Variants in PLCL1 observed in about 807,000 individuals in gnomAD.
The protein encoded by PLCL1 is phospholipase C like 1 (inactive), also known as inactive phospholipase C-like protein 1.
Under a neutral mutation model 84.4 loss-of-function variants are expected in PLCL1, and 41 were observed. The ratio of observed to expected loss-of-function variants is 0.49; its 90% confidence interval spans 0.38 to 0.63. The LOEUF is 0.63. Among genes scored for constraint, PLCL1 ranks in the 30% least tolerant of loss-of-function variants. The pLI, the probability that PLCL1 is intolerant of heterozygous loss-of-function variation, is 0.00. For synonymous variants in PLCL1, 490 were observed against 488.3 expected, an observed-to-expected ratio of 1.00 and a Z score of -0.05; for missense variants, 1,206 against 1,367.8, an observed-to-expected ratio of 0.88 and a Z score of 1.87.
At chr2:197,810,863 C>T (rs975169055) in intron 1 of PLCL1, among the ~76,000 whole-genome samples, 4 of 82,770 alleles carry the variant, frequency 4.8e-5, no homozygotes, top group Non-Finnish European at 9.2e-5. Flanking sequence ...GTGCTTAACA[C>T]TGTATATTTT....
At chr2:197,839,260 G>A (rs993153611) in intron 1 of PLCL1, among the ~76,000 whole-genome samples, 8 of 152,142 alleles carry the variant, frequency 5.3e-5, no homozygotes, top group Admixed American at 5.2e-4. Context: ...GAAATAGTCT[G>A]GAATCAGTTT....
At chr2:198,005,527 C>A (rs956015551) in intron 1 of PLCL1, among the ~76,000 whole-genome samples, 4 of 152,186 alleles carry the variant, frequency 2.6e-5, no homozygotes, top group African/African-American at 2.4e-5. Context: ...ACTGCCTACC[C>A]TATGTTAGAC....
chr2:197,836,772 G>A (rs1022149287), intron 1 of PLCL1, among the ~76,000 whole-genome samples: 1 of 152,194 alleles, frequency 6.6e-6, no homozygotes, highest in African/African-American at 2.4e-5. Context: ...TCAGGCTGGA[G>A]TGCAGTGACA....
At chr2:197,918,936 G>GTCTCTCTCTC (rs71395692) in intron 1 of PLCL1, among the ~76,000 whole-genome samples, 2 of 83,160 alleles carry the variant, frequency 2.4e-5, no homozygotes, top group African/African-American at 3.5e-5. Flanking sequence ...CGGAGACCCT[G>GTCTCTCTCTC]TCTCTCTCTC....
chr2:198,039,175 G>A lies in PLCL1; in HGVS notation c.241-44583G>A, dbSNP rs41471147. Among the ~76,000 whole-genome samples, 131 of 152,266 alleles carry A rather than the reference G, an allele frequency of 8.6e-4. 9 individuals are homozygous for A. The East Asian group carries it at 0.025, about 29-fold the overall frequency. On this transcript the variant is annotated intron_variant, in intron 1 of 5. Coordinates refer to ENST00000428675, the MANE Select transcript of PLCL1 (RefSeq NM_006226.4). ...GTATTGAACAGGGTTCATAGTCAAAGTGACATAGTTTCTCATTCTCAAGAA... is the reference window on the plus strand; with the variant it reads ...GTATTGAACAGGGTTCATAGTCAAAATGACATAGTTTCTCATTCTCAAGAA...
intron 1 of PLCL1, among the ~76,000 whole-genome samples, chr2:197,836,425 C>G (rs1469028016): frequency 9.1e-6 from 1 of 110,156 alleles, no homozygotes; most frequent in African/African-American, 3.6e-5. Context: ...CCAGCCTGGG[C>G]GACAGAGCGA....
chr2:198,109,909 A>C (rs1162115273), intron 5 of PLCL1, among the ~76,000 whole-genome samples: 1 of 151,650 alleles, frequency 6.6e-6, no homozygotes, highest in East Asian at 1.9e-4. Flanking sequence ...CTGGAGAAGT[A>C]TCAAGTAGAG....
intron 1 of PLCL1, among the ~76,000 whole-genome samples, chr2:197,911,383 A>G (rs1688481636): frequency 6.6e-6 from 1 of 152,040 alleles, no homozygotes; most frequent in Non-Finnish European, 1.5e-5. Flanking sequence ...AAGTTTAGCA[A>G]TTTAGAAAAG....
intron 1 of PLCL1, among the ~76,000 whole-genome samples, chr2:198,058,517 C>T (rs1692117923): frequency 6.6e-6 from 1 of 151,730 alleles, no homozygotes; most frequent in African/African-American, 2.4e-5. Flanking sequence ...TACCAGACTG[C>T]TTGGCTTCTG....
intron 3 of PLCL1, among the ~76,000 whole-genome samples, chr2:198,093,211 G>A (rs766421999): frequency 6.6e-6 from 1 of 152,146 alleles, no homozygotes; most frequent in African/African-American, 2.4e-5. Context: ...AACTGTAATG[G>A]CAGATACATG....
chr2:198,012,935 G>GATA (rs1429652798), intron 1 of PLCL1, among the ~76,000 whole-genome samples: 4 of 151,900 alleles, frequency 2.6e-5, no homozygotes, highest in Non-Finnish European at 1.5e-5. Context: ...ATTTTAAACT[G>GATA]ATAACAACTT....
In PLCL1 at chr2:198,085,386, T is replaced by C; in HGVS notation, c.1869T>C (p.Ile623=). 6.2e-7 allele frequency: 1 copy of C among 1,611,752 alleles called. No homozygotes were observed. The highest frequency in any genetic ancestry group is 1.7e-5 in the Admixed American group (1 of 59,926). The change falls in exon 2 of 6, where the codon ATT becomes ATC. Residue 623 remains isoleucine, a synonymous_variant. Transcript: ENST00000428675. The surrounding 1 kb of genome is among the most constrained non-coding windows in gnomAD (Gnocchi z 5.3). ...TTAGTGAAACAGAGGCCAGCCGCATTGCAAATGAGTACCCAGAGGATTTTG... is the reference window on the plus strand; with the variant it reads ...TTAGTGAAACAGAGGCCAGCCGCATCGCAAATGAGTACCCAGAGGATTTTG... ...CSFSETEASR[I]ANEYPEDFVN... is the part of the protein sequence containing the mutation.
chr2:198,071,601 A>G (rs775714951), intron 1 of PLCL1, among the ~76,000 whole-genome samples: 1 of 151,768 alleles, frequency 6.6e-6, no homozygotes, highest in Non-Finnish European at 1.5e-5. Context: ...TATATTCTCT[A>G]AACAGTTATA....
At chr2:198,003,755 A>G (rs1359564040) in intron 1 of PLCL1, among the ~76,000 whole-genome samples, 2 of 152,178 alleles carry the variant, frequency 1.3e-5, no homozygotes, top group Admixed American at 1.3e-4. Flanking sequence ...ATAACTTCTC[A>G]CTGTACATTC....
chr2:198,089,406 C>G (rs1692965217), intron 3 of PLCL1, among the ~76,000 whole-genome samples: 1 of 152,178 alleles, frequency 6.6e-6, no homozygotes. Context: ...GTAAACATGT[C>G]TCAGTGCTGC....
intron 1 of PLCL1, among the ~76,000 whole-genome samples, chr2:197,896,813 C>T (rs933402389): frequency 6.6e-6 from 1 of 152,026 alleles, no homozygotes; most frequent in African/African-American, 2.4e-5. Flanking sequence ...TGTTTTGTGT[C>T]CACAGAGTGA....
chr2:197,993,492 G>C (rs370524084), intron 1 of PLCL1, among the ~76,000 whole-genome samples: 35 of 152,234 alleles, frequency 2.3e-4, no homozygotes, highest in Admixed American at 2.2e-3. Context: ...AGGAGAGCTT[G>C]GTGAAGAGAT....
Position 198,020,971 on chromosome 2 carries a change from A to G in PLCL1, c.241-62787A>G, listed in dbSNP as rs143925920. On this transcript the variant is annotated intron_variant, in intron 1 of 5. Coordinates refer to ENST00000428675, the MANE Select transcript of PLCL1 (RefSeq NM_006226.4). ...TTCTTCTCAGCACCACATAGCACTT[A>G]TTTTAAAATGGACCACATAATTGGA... is the stretch of plus-strand genomic sequence containing the variant. Among the ~76,000 whole-genome samples the G allele has an allele frequency of 1.3e-3, 191 of 152,326 alleles. 1 individual carries two copies. The highest frequency in any genetic ancestry group is 4.0e-3 in the African/African-American group (167 of 41,566).
chr2:197,923,039 G>A (rs1272880678), intron 1 of PLCL1, among the ~76,000 whole-genome samples: 4 of 112,952 alleles, frequency 3.5e-5, no homozygotes, highest in African/African-American at 1.0e-4. Context: ...GGGCAGAGGC[G>A]CCCCTCACCT....
Sources: allele counts gnomAD v4.1 joint callset (sites outside exome capture counted in the v4.1 genomes callset), GRCh38; gene constraint gnomAD v4.1.1; non-coding constraint Gnocchi (gnomAD v3.1); transcripts MANE v1.5; gene names NCBI Gene and HGNC (gene_info 2026-07-23, HGNC 2026-07-21).